KCNJ3: variants seen among roughly 807,000 people sequenced by gnomAD.
KCNJ3 encodes the protein G protein-activated inward rectifier potassium channel 1.
KCNJ3 carries 4 observed loss-of-function variants against 39.2 expected under a neutral mutation model. The ratio of observed to expected loss-of-function variants is 0.10; its 90% CI spans 0.05 to 0.23. The LOEUF (loss-of-function observed/expected upper bound fraction) is 0.23. Ranked by LOEUF, KCNJ3 falls within the 10% of genes least tolerant of loss-of-function variation. The probability of loss-of-function intolerance (pLI) is 1.00; values close to 1 mark genes in which losing one functional copy is unlikely to be tolerated. For synonymous variants in KCNJ3, 230 were observed against 237.4 expected, an observed-to-expected ratio of 0.97 and a Z score of 0.29; for missense variants, 276 against 634.9, an observed-to-expected ratio of 0.43 and a Z score of 6.08.
At position 154,698,780 on chromosome 2, in the gene KCNJ3, C is replaced by T; in HGVS notation, c.5C>T (p.Ser2Phe). The change falls in exon 1 of 3, where the codon TCT becomes TTT. Residue 2 changes from serine (S) to phenylalanine (F), a missense_variant. Coordinates refer to ENST00000295101, the MANE Select transcript of KCNJ3 (RefSeq NM_002239.4). ...TCTGGCTCGCCCCTTCGTATTATGT[C>T]TGCACTCCGAAGGAAATTTGGGGAC... is the stretch of plus-strand genomic sequence containing the variant. The part of the protein sequence containing the change: M[S>F]ALRRKFGDDY... The T allele has an allele frequency of 6.3e-7, 1 of 1,578,302 alleles. No individual in the cohort carries two copies. Among genetic ancestry groups the T allele is most frequent in the Non-Finnish European group, 8.7e-7 (1 of 1,154,810 alleles).
intron 2 of KCNJ3, among the ~76,000 whole-genome samples, chr2:154,851,348 C>T (rs997955058): frequency 6.6e-6 from 1 of 152,132 alleles, no homozygotes; most frequent in African/African-American, 2.4e-5. Flanking sequence ...ATTCATCACA[C>T]ATATTAAGGC....
At chr2:154,750,735 C>T (rs1685826923) in intron 2 of KCNJ3, among the ~76,000 whole-genome samples, 1 of 151,948 alleles carries the variant, frequency 6.6e-6, no homozygotes, top group African/African-American at 2.4e-5. Flanking sequence ...TAACCAGCAA[C>T]TTTTGCCATT....
At chr2:154,747,695 A>G (rs1041455292) in intron 2 of KCNJ3, among the ~76,000 whole-genome samples, 1 of 152,074 alleles carries the variant, frequency 6.6e-6, no homozygotes, top group African/African-American at 2.4e-5. Flanking sequence ...ATAGCCCTGC[A>G]TGGAGTTAAT....
chr2:154,774,066 G>T (rs1277744218), intron 2 of KCNJ3, among the ~76,000 whole-genome samples: 3 of 152,050 alleles, frequency 2.0e-5, no homozygotes, highest in Non-Finnish European at 4.4e-5. Flanking sequence ...GATGCATATT[G>T]CTCTCCTATT....
intron 2 of KCNJ3, among the ~76,000 whole-genome samples, chr2:154,796,676 A>G (rs940494384): frequency 1.3e-5 from 2 of 152,128 alleles, no homozygotes; most frequent in African/African-American, 2.4e-5. Flanking sequence ...AGTATGCTAT[A>G]TAACAGAGTT....
chr2:154,776,205 T>C, intron 2 of KCNJ3, among the ~76,000 whole-genome samples: 1 of 152,080 alleles, frequency 6.6e-6, no homozygotes, highest in Non-Finnish European at 1.5e-5. Flanking sequence ...TTTCTCCATG[T>C]TGGGCAGGCT....
chr2:154,807,384 G>C (rs892532333), intron 2 of KCNJ3, among the ~76,000 whole-genome samples: 1 of 152,100 alleles, frequency 6.6e-6, no homozygotes, highest in Non-Finnish European at 1.5e-5. Context: ...TACAATAGTC[G>C]TTCACCCAAT....
chr2:154,825,539 A>AAATT lies in KCNJ3; in HGVS notation c.920-29186_920-29183dup, dbSNP rs1182022708. Among the ~76,000 whole-genome samples the AAATT allele has an allele frequency of 2.8e-3, 360 of 128,626 alleles. 3 individuals are homozygous for AAATT. Among genetic ancestry groups the AAATT allele is most frequent in the African/African-American group, 9.5e-3 (353 of 37,164 alleles). 84.4% of individuals were successfully genotyped at this position (128,626 alleles called of 152,430 possible). A position where few individuals can be genotyped will look rare whatever the true frequency, so the allele number is the denominator to read the frequency against. ...AGGTTCAGGACCCCAAGAACTCATG[A>AAATT]AATTATTTATTTATTTATTTATTTA... is the stretch of plus-strand genomic sequence containing the variant. On this transcript the variant is annotated intron_variant, in intron 2 of 2. Transcript: ENST00000295101.
intron 2 of KCNJ3, among the ~76,000 whole-genome samples, chr2:154,735,262 TTTTCTTTC>T (rs1360067606): frequency 2.7e-5 from 4 of 149,774 alleles, no homozygotes; most frequent in African/African-American, 9.8e-5. Flanking sequence ...ACTTTTTTTT[TTTTCTTTC>T]TTTCTTTTTT....
chr2:154,799,199 T>C (rs1220438788), intron 2 of KCNJ3, among the ~76,000 whole-genome samples: 1 of 152,174 alleles, frequency 6.6e-6, no homozygotes, highest in African/African-American at 2.4e-5. Context: ...TGGCACGATC[T>C]TGGCTTAGTG....
At chr2:154,740,974 A>G (rs991135690) in intron 2 of KCNJ3, among the ~76,000 whole-genome samples, 3 of 151,980 alleles carry the variant, frequency 2.0e-5, no homozygotes, top group Non-Finnish European at 4.4e-5. Context: ...ATAGGTTTCT[A>G]GAGAATCTTA....
At chr2:154,740,984 A>G (rs1205025443) in intron 2 of KCNJ3, among the ~76,000 whole-genome samples, 1 of 151,988 alleles carries the variant, frequency 6.6e-6, no homozygotes, top group Non-Finnish European at 1.5e-5. Flanking sequence ...AGAGAATCTT[A>G]TAACTGGAAT....
chr2:154,843,089 C>CAAA (rs1687603958), intron 2 of KCNJ3, among the ~76,000 whole-genome samples: 1 of 152,104 alleles, frequency 6.6e-6, no homozygotes, highest in African/African-American at 2.4e-5. Context: ...TGTTTCTTTC[C>CAAA]ATGTTTAGTG....
intron 2 of KCNJ3, among the ~76,000 whole-genome samples, chr2:154,720,098 T>C (rs568030910): frequency 6.6e-6 from 1 of 152,234 alleles, no homozygotes; most frequent in South Asian, 2.1e-4. Context: ...AATATGAAGT[T>C]ATTTTATGAA....
chr2:154,712,441 T>A (rs1238811959), intron 2 of KCNJ3, among the ~76,000 whole-genome samples: 1 of 152,210 alleles, frequency 6.6e-6, no homozygotes, highest in African/African-American at 2.4e-5. Context: ...TTTCACTACT[T>A]TGTGAATAAA....
At chr2:154,762,029 G>A (rs1014364817) in intron 2 of KCNJ3, among the ~76,000 whole-genome samples, 8 of 152,142 alleles carry the variant, frequency 5.3e-5, no homozygotes, top group Non-Finnish European at 1.0e-4. Flanking sequence ...GATTAATGGG[G>A]CCAGTAGTCA....
chr2:154,847,735 T>C (rs1405586996), intron 2 of KCNJ3, among the ~76,000 whole-genome samples: 1 of 152,222 alleles, frequency 6.6e-6, no homozygotes, highest in East Asian at 1.9e-4. Context: ...CACAATCTTC[T>C]TTTAAAATCA....
At chr2:154,759,332 G>A (rs902117648) in intron 2 of KCNJ3, among the ~76,000 whole-genome samples, 17 of 149,852 alleles carry the variant, frequency 1.1e-4, no homozygotes, top group Admixed American at 2.0e-4. Flanking sequence ...TTTTGATATT[G>A]ATAATGGTTT....
intron 2 of KCNJ3, among the ~76,000 whole-genome samples, chr2:154,765,502 G>C (rs1387906834): frequency 1.3e-5 from 2 of 152,154 alleles, no homozygotes; most frequent in Non-Finnish European, 2.9e-5. Flanking sequence ...CTAGCATACT[G>C]CCTTGCACAT....
Sources: allele counts gnomAD v4.1 joint callset (sites outside exome capture counted in the v4.1 genomes callset), GRCh38; gene constraint gnomAD v4.1.1; transcripts MANE v1.5; gene names NCBI Gene and HGNC (gene_info 2026-07-23, HGNC 2026-07-21).